EXT1: variants seen among roughly 807,000 people sequenced by gnomAD.
The protein encoded by EXT1 is exostosin-1.
A neutral mutation model predicts 82.5 loss-of-function variants in EXT1; 20 were observed. The ratio of observed to expected loss-of-function variants is 0.24; its 90% CI spans 0.17 to 0.35. The LOEUF is 0.35. EXT1 is among the 10% of genes least tolerant of loss of function. EXT1 has a pLI of 1.00. For missense variants in EXT1, 757 were observed against 936.5 expected (o/e 0.81, Z 2.50); for synonymous variants, 348 against 350.8 (o/e 0.99, Z 0.09).
At chr8:118,101,276 G>A (rs1586274514) in intron 1 of EXT1, among the ~76,000 whole-genome samples, 1 of 152,170 alleles carries the variant, frequency 6.6e-6, no homozygotes, top group Admixed American at 6.5e-5. Flanking sequence ...TACTGTTATG[G>A]TGCAGGGCCA....
intron 1 of EXT1, among the ~76,000 whole-genome samples, chr8:118,096,927 C>T (rs111356421): frequency 3.9e-5 from 6 of 152,270 alleles, no homozygotes; most frequent in South Asian, 2.1e-4. Context: ...ACATTCCCTT[C>T]GGTTAAATAA....
At chr8:118,047,770 T>C (rs181461631) in intron 1 of EXT1, among the ~76,000 whole-genome samples, 186 of 152,304 alleles carry the variant, frequency 1.2e-3, no homozygotes, top group Admixed American at 2.2e-3. Flanking sequence ...GCCCCATAGT[T>C]CTCTTTGCTA....
chr8:118,083,508 C>T (rs2468133), intron 1 of EXT1, among the ~76,000 whole-genome samples: 78,233 of 151,942 alleles, frequency 0.51, 22,777 homozygotes, highest in Middle Eastern at 0.69. Context: ...AATTCAAGAA[C>T]TAAACCCAGT....
intron 1 of EXT1, among the ~76,000 whole-genome samples, chr8:118,041,156 A>T (rs1206930681): frequency 6.6e-6 from 1 of 152,230 alleles, no homozygotes; most frequent in African/African-American, 2.4e-5. Context: ...TACAACTTTA[A>T]AAAGGAGTCC....
At chr8:117,874,575 C>CAGAAAAAAAAAAAAAAAAAAAA (rs1812933354) in intron 1 of EXT1, among the ~76,000 whole-genome samples, 1 of 69,788 alleles carries the variant, frequency 1.4e-5, no homozygotes, top group Non-Finnish European at 2.9e-5. Flanking sequence ...GACTCTGCCT[C>CAGAAAAAAAAAAAAAAAAAAAA]AAAAAAAAAA....
At chr8:118,069,885 G>C (rs1396679820) in intron 1 of EXT1, among the ~76,000 whole-genome samples, 1 of 152,116 alleles carries the variant, frequency 6.6e-6, no homozygotes, top group Non-Finnish European at 1.5e-5. Context: ...ACTGATCCAG[G>C]CCATAAGAAT....
intron 1 of EXT1, among the ~76,000 whole-genome samples, chr8:117,899,972 C>CAG (rs1463639336): frequency 6.6e-6 from 1 of 152,140 alleles, no homozygotes; most frequent in Non-Finnish European, 1.5e-5. Context: ...CGTTCAACTA[C>CAG]AGCAAAATGG....
intron 1 of EXT1, among the ~76,000 whole-genome samples, chr8:117,839,831 G>A (rs187582324): frequency 3.5e-4 from 54 of 152,266 alleles, no homozygotes; most frequent in Admixed American, 2.2e-3. Flanking sequence ...GAAATACTAT[G>A]TTTCAGACAC....
At chr8:117,970,462 C>T (rs1451734883) in intron 1 of EXT1, among the ~76,000 whole-genome samples, 1 of 152,072 alleles carries the variant, frequency 6.6e-6, no homozygotes, top group Non-Finnish European at 1.5e-5. Flanking sequence ...ACCACCATGC[C>T]TGGCTAATTT....
At position 117,970,585 on chromosome 8, in the gene EXT1, G is replaced by A. The variant is rs151136236; in HGVS notation, c.963-133384C>T. On this transcript the variant is annotated intron_variant, in intron 1 of 10. Transcript: ENST00000378204. ...CTCCCAAAATGCTGGGATTACAGGC[G>A]TGAGCCACCATGCCCGGCCAGGAAT... Among the ~76,000 whole-genome samples the A allele has an allele frequency of 2.6e-5, 4 of 152,286 alleles. No homozygotes were observed. The East Asian group carries it at 5.8e-4, about 22-fold the overall frequency.
intron 1 of EXT1, among the ~76,000 whole-genome samples, chr8:118,055,340 T>G (rs1378273667): frequency 6.6e-6 from 1 of 152,238 alleles, no homozygotes; most frequent in Non-Finnish European, 1.5e-5. Context: ...TGCTGAATAT[T>G]ATTCCACTGC....
intron 1 of EXT1, among the ~76,000 whole-genome samples, chr8:118,020,611 C>T (rs1816086924): frequency 6.7e-6 from 1 of 149,288 alleles, no homozygotes; most frequent in African/African-American, 2.5e-5. Flanking sequence ...GATTAAAACA[C>T]AGAATATGCC....
intron 1 of EXT1, among the ~76,000 whole-genome samples, chr8:117,929,196 C>A (rs887805473): frequency 6.6e-5 from 10 of 152,194 alleles, no homozygotes; most frequent in Non-Finnish European, 1.2e-4. Flanking sequence ...CCTGACCAAG[C>A]AGTGCCTGCA....
chr8:117,939,479 G>C (rs1002206311), intron 1 of EXT1, among the ~76,000 whole-genome samples: 1 of 148,440 alleles, frequency 6.7e-6, no homozygotes, highest in Non-Finnish European at 1.5e-5. Flanking sequence ...TGAAGCAAGA[G>C]AATCACTTGA....
chr8:117,866,164 G>T (rs1272108520), intron 1 of EXT1, among the ~76,000 whole-genome samples: 1 of 152,214 alleles, frequency 6.6e-6, no homozygotes, highest in Non-Finnish European at 1.5e-5. Flanking sequence ...GGCAGAGGTT[G>T]CAGTGAGCTG....
At chr8:117,929,561 C>G (rs1359816720) in intron 1 of EXT1, among the ~76,000 whole-genome samples, 1 of 152,150 alleles carries the variant, frequency 6.6e-6, no homozygotes, top group African/African-American at 2.4e-5. Flanking sequence ...CCTCCTCCTC[C>G]AAAACCAAAG....
chr8:117,883,981 G>A (rs1356996943), intron 1 of EXT1, among the ~76,000 whole-genome samples: 9 of 152,308 alleles, frequency 5.9e-5, no homozygotes, highest in Admixed American at 5.9e-4. Flanking sequence ...ACCAGCTTAT[G>A]AGTGTCACTT....
chr8:118,097,705 G>A (rs899013310), intron 1 of EXT1, among the ~76,000 whole-genome samples: 3 of 152,130 alleles, frequency 2.0e-5, no homozygotes, highest in African/African-American at 7.2e-5. Flanking sequence ...AGGCAGGTAC[G>A]TGCACCTTCT....
At chr8:117,875,929 T>A (rs181400580) in intron 1 of EXT1, among the ~76,000 whole-genome samples, 4 of 152,296 alleles carry the variant, frequency 2.6e-5, no homozygotes, top group Admixed American at 1.3e-4. Flanking sequence ...AGAGGGCAAC[T>A]GGCTAGTGAA....
Sources: gnomAD v4.1 joint callset for allele counts (sites outside exome capture counted in the v4.1 genomes callset) on GRCh38, gnomAD v4.1.1 for gene constraint, MANE v1.5 for transcripts, NCBI Gene and HGNC (gene_info 2026-07-23, HGNC 2026-07-21) for gene names.